Variants in GSE1 observed in about 807,000 individuals in gnomAD.
GSE1 encodes the protein Gse1 coiled-coil protein.
A neutral mutation model predicts 112.6 loss-of-function variants in GSE1; 32 were observed. The observed-to-expected ratio is 0.28, with a 90% confidence interval of 0.21 to 0.38. GSE1 has a LOEUF of 0.38. Ranked by LOEUF, GSE1 falls within the 10% of genes least tolerant of loss-of-function variation. GSE1 has a pLI of 1.00. For synonymous variants in GSE1, 1,115 were observed against 735.6 expected (o/e 1.52, Z -8.35); for missense variants, 2,348 against 1,699.2 (o/e 1.38, Z -6.71).
intron 2 of GSE1, among the ~76,000 whole-genome samples, chr16:85,404,622 C>G (rs1330454316): frequency 1.7e-4 from 11 of 63,096 alleles, no homozygotes; most frequent in African/African-American, 8.9e-4. Context: ...CCGTTACACT[C>G]AGGGCCCCCC....
intron 1 of GSE1, among the ~76,000 whole-genome samples, chr16:85,187,309 G>A (rs2074724446): frequency 6.6e-6 from 1 of 152,272 alleles, no homozygotes; most frequent in Admixed American, 6.5e-5. Flanking sequence ...CAGCTCGGGA[G>A]CCTTGGCTGG....
At chr16:85,251,263 C>T (rs1906446854) in intron 1 of GSE1, among the ~76,000 whole-genome samples, 2 of 152,156 alleles carry the variant, frequency 1.3e-5, no homozygotes, top group Non-Finnish European at 2.9e-5. Context: ...CTGCTTTGTC[C>T]TCCCACGGAT....
chr16:85,408,840 A>T (rs77786422), intron 2 of GSE1, among the ~76,000 whole-genome samples: 10 of 41,542 alleles, frequency 2.4e-4, no homozygotes, highest in Middle Eastern at 0.023. Flanking sequence ...TCACTGTTAC[A>T]CTCAGGCCCC....
intron 3 of GSE1, among the ~76,000 whole-genome samples, chr16:85,650,824 G>T (rs1200417826): frequency 6.6e-6 from 1 of 151,734 alleles, no homozygotes; most frequent in African/African-American, 2.4e-5. Flanking sequence ...GTGGCCATGA[G>T]TCTCCGAGGC....
intron 2 of GSE1, among the ~76,000 whole-genome samples, chr16:85,509,293 G>A (rs2051652002): frequency 6.6e-6 from 1 of 152,212 alleles, no homozygotes; most frequent in Admixed American, 6.5e-5. Context: ...GTCGTGGGAA[G>A]GCAGTGTTGG....
intron 2 of GSE1, among the ~76,000 whole-genome samples, chr16:85,428,376 G>A (rs557281347): frequency 3.2e-4 from 48 of 152,342 alleles, no homozygotes; most frequent in Admixed American, 2.8e-3. Context: ...GGAGCCGACC[G>A]TCTGGCTTCA....
intron 1 of GSE1, among the ~76,000 whole-genome samples, chr16:85,576,103 C>A (rs932371607): frequency 6.6e-5 from 10 of 152,084 alleles, no homozygotes; most frequent in Admixed American, 2.0e-4. Flanking sequence ...ATACCGGTGC[C>A]CTTTGATTTA....
intron 1 of GSE1, among the ~76,000 whole-genome samples, chr16:85,176,127 C>G (rs1170246632): frequency 6.6e-6 from 1 of 152,160 alleles, no homozygotes; most frequent in Non-Finnish European, 1.5e-5. Flanking sequence ...TAGCTGGGAC[C>G]ATAGGTGTGC....
intron 1 of GSE1, among the ~76,000 whole-genome samples, chr16:85,276,429 G>C (rs74031768): frequency 6.6e-6 from 1 of 152,206 alleles, no homozygotes; most frequent in East Asian, 1.9e-4. Flanking sequence ...TGTTCACCCA[G>C]CGGTTTTCTG....
At chr16:85,638,553 T>G (rs2050190412) in intron 2 of GSE1, among the ~76,000 whole-genome samples, 1 of 152,066 alleles carries the variant, frequency 6.6e-6, no homozygotes, top group Non-Finnish European at 1.5e-5. Context: ...GAGGAGCAGG[T>G]CTCTACCTCA....
chr16:85,650,533 C>T (rs1048035121), intron 3 of GSE1, among the ~76,000 whole-genome samples: 11 of 152,210 alleles, frequency 7.2e-5, no homozygotes, highest in African/African-American at 2.7e-4. Flanking sequence ...CCTTTTCCGG[C>T]GACTCCTCCG....
At chr16:85,321,849 G>A (rs1447266149) in intron 1 of GSE1, among the ~76,000 whole-genome samples, 3 of 152,020 alleles carry the variant, frequency 2.0e-5, no homozygotes, top group African/African-American at 7.2e-5. Flanking sequence ...GAATCTAGAG[G>A]CTGATTGGAA....
intron 1 of GSE1, among the ~76,000 whole-genome samples, chr16:85,566,222 G>T (rs2045741185): frequency 6.6e-6 from 1 of 152,202 alleles, no homozygotes; most frequent in Non-Finnish European, 1.5e-5. Flanking sequence ...AGAATGACCT[G>T]GAAGAGGGGG....
chr16:85,441,707 G>A (rs892718542), intron 2 of GSE1, among the ~76,000 whole-genome samples: 5 of 152,196 alleles, frequency 3.3e-5, no homozygotes. Flanking sequence ...CTTGAGGGGT[G>A]TGTAGGAGTT....
intron 2 of GSE1, among the ~76,000 whole-genome samples, chr16:85,437,118 G>A (rs2049266415): frequency 6.6e-6 from 1 of 152,140 alleles, no homozygotes; most frequent in Non-Finnish European, 1.5e-5. Flanking sequence ...TTCCCATTAA[G>A]GGAGGTGGGG....
chr16:85,501,021 T>TG (rs1184566452), intron 2 of GSE1, among the ~76,000 whole-genome samples: 2 of 147,144 alleles, frequency 1.4e-5, no homozygotes, highest in Non-Finnish European at 3.0e-5. Context: ...TTTTTTTTTT[T>TG]TTGAGACGGA....
At chr16:85,665,893 T>C (rs1405430937) in intron 12 of GSE1, 83 bp from the exon 13 acceptor site, 11 of 1,344,456 alleles carry the variant, frequency 8.2e-6, no homozygotes, top group Non-Finnish European at 1.2e-5. Flanking sequence ...AAGTGTAAGC[T>C]CTAGAGACCA....
intron 1 of GSE1, among the ~76,000 whole-genome samples, chr16:85,603,063 C>G (rs963529142): frequency 2.0e-4 from 30 of 152,278 alleles, no homozygotes; most frequent in Non-Finnish European, 4.3e-4. Flanking sequence ...CCTTGCAGCC[C>G]TGCTTGGAGA....
intron 2 of GSE1, among the ~76,000 whole-genome samples, chr16:85,470,695 G>T (rs1220006667): frequency 6.6e-6 from 1 of 152,218 alleles, no homozygotes; most frequent in Non-Finnish European, 1.5e-5. Context: ...GAGCAGGTGC[G>T]CTTGCAGCCA....
Sources: gnomAD v4.1 joint callset for allele counts (sites outside exome capture counted in the v4.1 genomes callset) on GRCh38, gnomAD v4.1.1 for gene constraint, MANE v1.5 for transcripts, NCBI Gene and HGNC (gene_info 2026-07-23, HGNC 2026-07-21) for gene names.